Variants in EIF2D observed in about 807,000 individuals in gnomAD.
EIF2D encodes the protein eukaryotic translation initiation factor 2D, also known as hepatocellular carcinoma-associated antigen 56.
EIF2D carries 56 observed loss-of-function variants against 77.4 expected under a neutral mutation model. The ratio of observed to expected loss-of-function variants is 0.72; its 90% confidence interval spans 0.58 to 0.90. The LOEUF (loss-of-function observed/expected upper bound fraction) is 0.90. EIF2D is among the 40% of genes least tolerant of loss of function. The probability of loss-of-function intolerance (pLI) is 0.00; values close to 1 mark genes in which losing one functional copy is unlikely to be tolerated. For synonymous variants in EIF2D, 230 were observed against 271.0 expected, an observed-to-expected ratio of 0.85 and a Z score of 1.49; for missense variants, 574 against 706.5, an observed-to-expected ratio of 0.81 and a Z score of 2.13.
In EIF2D at chr1:206,584,744, C is replaced by T. The variant is rs782235473; in HGVS notation, c.139-3582G>A. The T allele has an allele frequency of 1.9e-5, 30 of 1,581,776 alleles. No individual in the cohort carries two copies. The African/African-American group carries it at 3.9e-4, about 21-fold the overall frequency. On this transcript the variant is annotated intron_variant and NMD_transcript_variant, in intron 2 of 5. Transcript: ENST00000472709. This position sits in a 1 kb window ranked among gnomAD's most constrained non-coding sequence, Gnocchi z 4.9. ...CTTCCTACCTGTGTCCAAGCCCACC[C>T]ACTAAAACTCCTGCCGGCCTTGGGT...
At chr1:206,581,047 C>T (rs1553406202) in exon 3 of EIF2D, 1 of 152,216 alleles carries the variant, frequency 6.6e-6, no homozygotes, top group Non-Finnish European at 1.5e-5. Context: ...ATGGTGGCTA[C>T]ATGGTGAATT....
rs1668786705 is a variant in EIF2D, at chr1:206,579,515, T to G, written c.*254+1177A>C. Among the ~76,000 whole-genome samples the G allele has an allele frequency of 1.3e-5, 2 of 152,330 alleles. No homozygotes were observed. Among genetic ancestry groups the G allele is most frequent in the South Asian group, 4.1e-4 (2 of 4,830 alleles). ...CTCATGGCAGATAGTGCCTGTTAGG[T>G]AAACCTTTGGGGTGTTTGTGTGTTT... On this transcript the variant is annotated intron_variant and NMD_transcript_variant, in intron 4 of 5. Coordinates refer to the EIF2D transcript ENST00000472709. The surrounding 1 kb of genome is among the most constrained non-coding windows in gnomAD (Gnocchi z 4.2).
chr1:206,575,967 G>A (rs564978550), intron 4 of EIF2D, among the ~76,000 whole-genome samples: 3 of 152,208 alleles, frequency 2.0e-5, no homozygotes, highest in Non-Finnish European at 2.9e-5. Context: ...TCTGGCCTGA[G>A]ACTCCCCAGG....
chr1:206,603,781 C>T (rs184595210), intron 5 of EIF2D, among the ~76,000 whole-genome samples: 10 of 152,288 alleles, frequency 6.6e-5, no homozygotes, highest in South Asian at 4.1e-4. Context: ...GGAAAACAGG[C>T]GATGCCACAT....
At chr1:206,605,559 C>T (rs1296859222) in intron 4 of EIF2D, 52 bp from the exon 5 acceptor site, 2 of 1,464,828 alleles carry the variant, frequency 1.4e-6, no homozygotes, top group African/African-American at 2.8e-5. Context: ...ATGGGAAGGG[C>T]ACATGTTAGG....
At chr1:206,572,272 C>T (rs192624164) in intron 5 of EIF2D, among the ~76,000 whole-genome samples, 84 of 152,216 alleles carry the variant, frequency 5.5e-4, no homozygotes, top group Admixed American at 9.2e-4. Context: ...TTCTGGGAGC[C>T]GCCTCAGTGA....
In EIF2D at chr1:206,599,688, G is replaced by A; in HGVS notation, c.1052+45C>T. On this transcript the variant is annotated intron_variant, in intron 9 of 14. Transcript: ENST00000271764. The surrounding 1 kb of genome is among the most constrained non-coding windows in gnomAD (Gnocchi z 4.1). ...GCAATCCCCAGTCCGTGGCCCAGGT[G>A]CCCTGGGGCCAGCTGGGCTACAGTG... The A allele has an allele frequency of 5.6e-6, 9 of 1,613,038 alleles. No homozygotes were observed. The highest frequency in any genetic ancestry group is 7.6e-6 in the Non-Finnish European group (9 of 1,179,290).
chr1:206,575,027 T>C lies in EIF2D; in HGVS notation c.*255-2328A>G, dbSNP rs146799498. On this transcript the variant is annotated intron_variant and NMD_transcript_variant, in intron 4 of 5. Coordinates refer to the EIF2D transcript ENST00000472709. ...GGCGCACGGATAATTTTTTTGTTTTTGTTTTTGTTTTTTTTTTTAGAAGAG... is the reference window on the plus strand; with the variant it reads ...GGCGCACGGATAATTTTTTTGTTTTCGTTTTTGTTTTTTTTTTTAGAAGAG... Among the ~76,000 whole-genome samples the C allele has an allele frequency of 5.0e-3, 561 of 111,880 alleles. 5 individuals are homozygous for C. Among genetic ancestry groups the C allele is most frequent in the African/African-American group, 0.015 (529 of 34,828 alleles). The allele number at this position is 111,880 out of a possible 152,430, so 73.4% of individuals were successfully genotyped here.
At chr1:206,578,770 A>G (rs927334678) in intron 4 of EIF2D, among the ~76,000 whole-genome samples, 2 of 152,066 alleles carry the variant, frequency 1.3e-5, no homozygotes, top group Admixed American at 6.5e-5. Context: ...CCCTGGGCCC[A>G]CCTGGGAATA....
rs1175297746 is a variant in EIF2D, at chr1:206,593,512, T to TGTGTGTGC, written c.1684+106_1684+107insGCACACAC. 2.4e-3 allele frequency: 1,229 copies of TGTGTGTGC among 502,782 alleles called. 8 individuals are homozygous for TGTGTGTGC. The highest frequency in any genetic ancestry group is 4.4e-3 in the South Asian group (148 of 33,990). The allele number at this position is 502,782 out of a possible 1,614,324, so 31.1% of individuals were successfully genotyped here. A position where few individuals can be genotyped will look rare whatever the true frequency, so the allele number is the denominator to read the frequency against. On this transcript the variant is annotated intron_variant, in intron 14 of 14. Transcript: ENST00000271764. ...GCGAGAGAGAGAGAGAGAGAGAGTGTGTGTGTGTGTGTGTGTGTGTGTGTG... is the reference window on the plus strand; with the variant it reads ...GCGAGAGAGAGAGAGAGAGAGAGTGTGTGTGTGCGTGTGTGTGTGTGTGTGTGTGTGTG...
chr1:206,585,128 C>G (rs879991979), intron 2 of EIF2D: 1 of 1,396,142 alleles, frequency 7.2e-7, no homozygotes. Context: ...CAAGCCTGGG[C>G]CCCGCCCTTC....
At position 206,612,406 on chromosome 1, in the gene EIF2D, C is replaced by CAGCA; in HGVS notation, c.-68_-65dup. ...AGGGAATGTCAAGAAAGCGAGGGCG[C>CAGCA]AGCAGCTGCCAGGCCCTCAGCCGTG... On this transcript the variant is annotated 5_prime_UTR_variant, in exon 1 of 15. The change abolishes the stop of an existing upstream ORF in the 5' untranslated region. Coordinates refer to ENST00000271764, the MANE Select transcript of EIF2D (RefSeq NM_006893.3). The CAGCA allele has an allele frequency of 1.9e-6, 3 of 1,600,150 alleles. No individual in the cohort carries two copies. In the Admixed American group the frequency reaches 5.0e-5, roughly 27 times the overall value.
chr1:206,580,409 G>A (rs557856269), intron 4 of EIF2D, among the ~76,000 whole-genome samples: 16 of 152,322 alleles, frequency 1.1e-4, no homozygotes, highest in African/African-American at 3.8e-4. Flanking sequence ...AGGAGCAATA[G>A]CCTACATGCG....
intron 4 of EIF2D, among the ~76,000 whole-genome samples, chr1:206,573,581 A>G (rs1355396595): frequency 6.6e-6 from 1 of 152,266 alleles, no homozygotes; most frequent in African/African-American, 2.4e-5. Flanking sequence ...TGAAGCAAGT[A>G]TTGAGCAAGT....
At chr1:206,611,061 G>A in intron 2 of EIF2D, 123 bp downstream of exon 2, 1 of 878,752 alleles carries the variant, frequency 1.1e-6, no homozygotes, top group East Asian at 2.7e-5. Context: ...AAGATCCTTG[G>A]GGATGGTATT....
chr1:206,579,968 G>A lies in EIF2D; in HGVS notation c.*254+724C>T, dbSNP rs781846337. Among the ~76,000 whole-genome samples, 5 of 152,214 alleles carry A rather than the reference G, an allele frequency of 3.3e-5. No homozygotes were observed. The highest frequency in any genetic ancestry group is 7.3e-5 in the Non-Finnish European group (5 of 68,036). Reference sequence around the variant, plus strand: ...ACCTGGGTGCTGGCATTCCATGGCTGTGACATTCGTAGTGTTGGCTACACA... The same window carrying A: ...ACCTGGGTGCTGGCATTCCATGGCTATGACATTCGTAGTGTTGGCTACACA... On this transcript the variant is annotated intron_variant and NMD_transcript_variant, in intron 4 of 5. Transcript: ENST00000472709. The surrounding 1 kb of genome is among the most constrained non-coding windows in gnomAD (Gnocchi z 4.2).
At position 206,600,212 on chromosome 1, in the gene EIF2D, G is replaced by C. The variant is rs782088784; in HGVS notation, c.948+51C>G. On this transcript the variant is annotated intron_variant, in intron 8 of 14. Coordinates refer to ENST00000271764, the MANE Select transcript of EIF2D (RefSeq NM_006893.3). ...AGCATCCATCTGGCTTATGTCATAT[G>C]TGCCCCTACACAACTCTCTGCATGG... The C allele has an allele frequency of 2.9e-5, 46 of 1,569,390 alleles. No individual in the cohort carries two copies. In the East Asian group the frequency reaches 1.0e-3, roughly 35 times the overall value.
chr1:206,607,786 A>C (rs1670272272), intron 4 of EIF2D, among the ~76,000 whole-genome samples: 1 of 152,234 alleles, frequency 6.6e-6, no homozygotes, highest in African/African-American at 2.4e-5. Context: ...GTGAAGAGAA[A>C]GAAGATATCA....
At chr1:206,583,828 G>A (rs1668991530) in intron 2 of EIF2D, 1 of 185,700 alleles carries the variant, frequency 5.4e-6, no homozygotes. Flanking sequence ...CTTCAATAGG[G>A]AGGGGAGAAG....
Sources: gnomAD v4.1 joint callset for allele counts (sites outside exome capture counted in the v4.1 genomes callset) on GRCh38, gnomAD v4.1.1 for gene constraint, Gnocchi (gnomAD v3.1) non-coding constraint, MANE v1.5 for transcripts, NCBI Gene and HGNC (gene_info 2026-07-23, HGNC 2026-07-21) for gene names.